Variants in CTNNA3 observed in about 807,000 individuals in gnomAD.
CTNNA3 encodes catenin alpha 3.
A neutral mutation model predicts 95.7 loss-of-function variants in CTNNA3; 76 were observed. That is an observed-to-expected ratio of 0.79 (90% CI 0.66 to 0.96). CTNNA3 has a LOEUF of 0.96. Among genes scored for constraint, CTNNA3 ranks in the 40% least tolerant of loss-of-function variants. The pLI is 0.00. For synonymous variants in CTNNA3, 431 were observed against 374.4 expected (o/e 1.15, Z -1.74); for missense variants, 1,191 against 1,089.8 (o/e 1.09, Z -1.31).
chr10:67,634,719 A>G (rs1214060390), intron 2 of CTNNA3, among the ~76,000 whole-genome samples: 1 of 152,240 alleles, frequency 6.6e-6, no homozygotes, highest in Non-Finnish European at 1.5e-5. Flanking sequence ...CAAAGATCAA[A>G]AAAGACAAAG....
rs962575718 is a variant in CTNNA3 at position 67,641,775 on chromosome 10, C to T, written c.99+5640G>A. Among the ~76,000 whole-genome samples the T allele has an allele frequency of 5.9e-5, 9 of 152,234 alleles. No individual in the cohort carries two copies. The South Asian group carries it at 8.3e-4, about 14-fold the overall frequency. The stretch of plus-strand genomic sequence containing the variant: ...CGCAAGGACAAAAAACCAAACACCA[C>T]GTGTTCTCACTCATAGGTGGGAATT... On this transcript the variant is annotated intron_variant, in intron 2 of 17. Coordinates refer to ENST00000433211, the MANE Select transcript of CTNNA3 (RefSeq NM_013266.4).
chr10:67,712,344 G>T (rs1471351979), intron 1 of CTNNA3, among the ~76,000 whole-genome samples: 2 of 152,198 alleles, frequency 1.3e-5, no homozygotes, highest in African/African-American at 4.8e-5. Context: ...CATAAATAAT[G>T]AGGAGCCAAG....
At chr10:66,787,677 C>T (rs976319317) in intron 7 of CTNNA3, among the ~76,000 whole-genome samples, 7 of 152,088 alleles carry the variant, frequency 4.6e-5, no homozygotes, top group African/African-American at 7.2e-5. Context: ...GCACAGAAGT[C>T]GGTAGAAATT....
chr10:67,305,152 C>G (rs764604165), intron 5 of CTNNA3, among the ~76,000 whole-genome samples: 1 of 151,738 alleles, frequency 6.6e-6, no homozygotes, highest in East Asian at 1.9e-4. Context: ...GGGGGGCGCC[C>G]GTAGTCCCAG....
intron 5 of CTNNA3, among the ~76,000 whole-genome samples, chr10:67,361,360 T>C (rs1482289459): frequency 1.3e-5 from 2 of 152,160 alleles, no homozygotes; most frequent in African/African-American, 4.8e-5. Context: ...ACTGCAAGAC[T>C]GATCACATGC....
intron 10 of CTNNA3, among the ~76,000 whole-genome samples, chr10:66,565,606 G>A (rs1212046423): frequency 6.6e-6 from 1 of 152,188 alleles, no homozygotes; most frequent in Non-Finnish European, 1.5e-5. Context: ...GCAGGTTGAA[G>A]GATGGCAGGT....
chr10:67,470,950 T>G (rs762271135), intron 5 of CTNNA3, among the ~76,000 whole-genome samples: 9 of 152,016 alleles, frequency 5.9e-5, no homozygotes, highest in Non-Finnish European at 1.2e-4. Context: ...CCAGCTAATT[T>G]TTGTCTTTTT....
At chr10:66,188,941 C>G (rs775537654) in intron 13 of CTNNA3, among the ~76,000 whole-genome samples, 10 of 152,092 alleles carry the variant, frequency 6.6e-5, no homozygotes, top group Non-Finnish European at 1.5e-4. Flanking sequence ...GAGGTAATAT[C>G]TCGTTGTGGT....
chr10:66,446,994 A>C (rs1327712498), intron 11 of CTNNA3, among the ~76,000 whole-genome samples: 2 of 151,870 alleles, frequency 1.3e-5, no homozygotes, highest in Admixed American at 1.3e-4. Context: ...ATACAAAATC[A>C]ATGTGCAAAA....
intron 14 of CTNNA3, among the ~76,000 whole-genome samples, chr10:66,080,621 G>A (rs2080719448): frequency 6.6e-6 from 1 of 152,100 alleles, no homozygotes; most frequent in Non-Finnish European, 1.5e-5. Context: ...AATCATAGTT[G>A]TCAAATAATA....
intron 7 of CTNNA3, among the ~76,000 whole-genome samples, chr10:67,078,008 T>C (rs1361934660): frequency 6.6e-6 from 1 of 152,194 alleles, no homozygotes; most frequent in African/African-American, 2.4e-5. Flanking sequence ...TCTGTTACTT[T>C]GGATAATTCT....
chr10:67,108,032 A>G (rs1053865006), intron 7 of CTNNA3, among the ~76,000 whole-genome samples: 2 of 152,238 alleles, frequency 1.3e-5, no homozygotes, highest in African/African-American at 2.4e-5. Context: ...CCATGGGACA[A>G]GAGGCCTATC....
chr10:66,607,889 AG>A (rs1341550858), intron 10 of CTNNA3, among the ~76,000 whole-genome samples: 1 of 152,180 alleles, frequency 6.6e-6, no homozygotes, highest in Non-Finnish European at 1.5e-5. Flanking sequence ...AACCAGCACA[AG>A]ATAAGGATGC....
chr10:67,515,540 A>T (rs1839784334), intron 5 of CTNNA3, among the ~76,000 whole-genome samples: 1 of 152,252 alleles, frequency 6.6e-6, no homozygotes. Flanking sequence ...ATACCTGTGC[A>T]ATAAATTTTT....
intron 10 of CTNNA3, among the ~76,000 whole-genome samples, chr10:66,529,398 T>C (rs2939905): frequency 0.86 from 129,258 of 150,758 alleles, 55,614 homozygotes; most frequent in East Asian, 0.99. Flanking sequence ...TCGCAAAGTG[T>C]TGGGATTACA....
At chr10:66,091,428 C>G (rs1175856599) in intron 14 of CTNNA3, among the ~76,000 whole-genome samples, 1 of 151,816 alleles carries the variant, frequency 6.6e-6, no homozygotes, top group Non-Finnish European at 1.5e-5. Flanking sequence ...TCTCTTTTCC[C>G]AAAGCACATA....
intron 4 of CTNNA3, among the ~76,000 whole-genome samples, chr10:67,531,408 T>G (rs904544289): frequency 6.6e-6 from 1 of 152,318 alleles, no homozygotes; most frequent in East Asian, 1.9e-4. Context: ...ATGTGAGACA[T>G]GGAGTCAAAG....
chr10:66,961,209 A>G (rs1468854646), intron 7 of CTNNA3, among the ~76,000 whole-genome samples: 3 of 152,158 alleles, frequency 2.0e-5, no homozygotes, highest in African/African-American at 7.2e-5. Context: ...TTATGACAAT[A>G]TTGGTGATTT....
chr10:67,006,139 T>G (rs1436875730), intron 7 of CTNNA3, among the ~76,000 whole-genome samples: 1 of 152,168 alleles, frequency 6.6e-6, no homozygotes, highest in African/African-American at 2.4e-5. Context: ...TAAGAACTCC[T>G]GTGCCTGTTT....
Sources: allele counts gnomAD v4.1 joint callset (sites outside exome capture counted in the v4.1 genomes callset), GRCh38; gene constraint gnomAD v4.1.1; transcripts MANE v1.5; gene names NCBI Gene and HGNC (gene_info 2026-07-23, HGNC 2026-07-21).